Variants in SGCD observed in about 807,000 individuals in gnomAD.
SGCD encodes sarcoglycan delta.
A neutral mutation model predicts 36.6 loss-of-function variants in SGCD; 18 were observed. The ratio of observed to expected loss-of-function variants is 0.49; its 90% confidence interval spans 0.34 to 0.73. The LOEUF (loss-of-function observed/expected upper bound fraction) is 0.73. SGCD is among the 30% of genes least tolerant of loss of function. The pLI is 0.01. For synonymous variants in SGCD, 133 were observed against 130.6 expected, an observed-to-expected ratio of 1.02 and a Z score of -0.12; for missense variants, 387 against 346.7, an observed-to-expected ratio of 1.12 and a Z score of -0.92.
chr5:156,224,035 G>A (rs1223887526), intron 3 of SGCD, among the ~76,000 whole-genome samples: 1 of 151,748 alleles, frequency 6.6e-6, no homozygotes, highest in East Asian at 1.9e-4. Flanking sequence ...ACAAATTCGT[G>A]TTAACATAAC....
intron 1 of SGCD, among the ~76,000 whole-genome samples, chr5:156,090,635 C>A (rs542850036): frequency 7.9e-5 from 12 of 152,310 alleles, no homozygotes; most frequent in African/African-American, 2.9e-4. Flanking sequence ...TGAGAGCAGA[C>A]AACCGGTCTG....
At chr5:156,186,006 G>T (rs1763751147) in intron 3 of SGCD, among the ~76,000 whole-genome samples, 1 of 149,534 alleles carries the variant, frequency 6.7e-6, no homozygotes, top group African/African-American at 2.5e-5. Flanking sequence ...ACGAAATATG[G>T]TAGAAGCATC....
intron 3 of SGCD, among the ~76,000 whole-genome samples, chr5:156,440,112 A>G (rs892917153): frequency 1.3e-5 from 2 of 152,210 alleles, no homozygotes; most frequent in South Asian, 4.1e-4. Flanking sequence ...AGAAAACCCC[A>G]TGCCCACTTA....
chr5:156,047,227 A>C (rs913320948), intron 1 of SGCD, among the ~76,000 whole-genome samples: 1 of 152,186 alleles, frequency 6.6e-6, no homozygotes, highest in African/African-American at 2.4e-5. Context: ...ATCACATAAG[A>C]GTGCAGAGTG....
At chr5:156,419,246 T>C (rs1773191284) in intron 3 of SGCD, among the ~76,000 whole-genome samples, 1 of 152,202 alleles carries the variant, frequency 6.6e-6, no homozygotes. Flanking sequence ...ACCTGCCCCT[T>C]AAACAGCAAG....
At chr5:156,613,904 A>G (rs768136780) in intron 6 of SGCD, among the ~76,000 whole-genome samples, 1 of 152,182 alleles carries the variant, frequency 6.6e-6, no homozygotes, top group Middle Eastern at 3.2e-3. Context: ...GAATAAATGC[A>G]TTTGATCCTC....
At chr5:156,432,788 G>A (rs1176364969) in intron 3 of SGCD, among the ~76,000 whole-genome samples, 1 of 152,128 alleles carries the variant, frequency 6.6e-6, no homozygotes, top group African/African-American at 2.4e-5. Flanking sequence ...CATGCAGTTG[G>A]TGAAGCTGGT....
intron 1 of SGCD, among the ~76,000 whole-genome samples, chr5:156,048,370 T>C (rs1759826788): frequency 1.3e-5 from 2 of 152,204 alleles, no homozygotes; most frequent in Admixed American, 6.5e-5. Context: ...ATGGTATTTC[T>C]AGTTCTAGAT....
intron 6 of SGCD, among the ~76,000 whole-genome samples, chr5:156,610,187 G>A (rs1761721100): frequency 6.6e-6 from 1 of 152,074 alleles, no homozygotes; most frequent in Non-Finnish European, 1.5e-5. Context: ...TCTACCTTTG[G>A]TCTTTGATGA....
intron 1 of SGCD, among the ~76,000 whole-genome samples, chr5:155,960,333 C>T (rs1561663847): frequency 1.3e-5 from 2 of 152,074 alleles, no homozygotes; most frequent in African/African-American, 2.4e-5. Context: ...GAACATTTAT[C>T]CACATCTGGG....
chr5:155,786,665 ATC>A, the SGCD span, among the ~76,000 whole-genome samples: 11 of 152,168 alleles, frequency 7.2e-5, no homozygotes, highest in Non-Finnish European at 1.6e-4. Flanking sequence ...TCTTACTGTC[ATC>A]TTCCTCCTCC....
intron 3 of SGCD, among the ~76,000 whole-genome samples, chr5:156,151,721 A>G (rs916616828): frequency 2.6e-5 from 4 of 151,664 alleles, no homozygotes; most frequent in African/African-American, 7.3e-5. Context: ...AAGCCAATGT[A>G]GAATACACTA....
At chr5:156,662,642 A>G (rs1216292730) in intron 7 of SGCD, among the ~76,000 whole-genome samples, 2 of 148,366 alleles carry the variant, frequency 1.3e-5, no homozygotes, top group Non-Finnish European at 3.0e-5. Flanking sequence ...AATCCTTTAG[A>G]TCAATTATAA....
chr5:156,167,795 C>A (rs1763248979), intron 3 of SGCD, among the ~76,000 whole-genome samples: 2 of 152,178 alleles, frequency 1.3e-5, no homozygotes, highest in Non-Finnish European at 2.9e-5. Context: ...ATGCTGGTGC[C>A]ATGCTTGTAC....
chr5:156,728,659 ATTAT>A (rs1299234661), intron 7 of SGCD, among the ~76,000 whole-genome samples: 1 of 152,012 alleles, frequency 6.6e-6, no homozygotes, highest in African/African-American at 2.4e-5. Flanking sequence ...TTCTGTCATA[ATTAT>A]TTATTTCTTA....
intron 7 of SGCD, among the ~76,000 whole-genome samples, chr5:156,722,477 CACT>C (rs1208045398): frequency 6.6e-6 from 1 of 152,156 alleles, no homozygotes; most frequent in Non-Finnish European, 1.5e-5. Context: ...TCTATACAGC[CACT>C]ACTCTTGGCT....
chr5:155,891,730 G>C (rs565864958), intron 1 of SGCD, among the ~76,000 whole-genome samples: 1 of 151,910 alleles, frequency 6.6e-6, no homozygotes, highest in African/African-American at 2.4e-5. Flanking sequence ...ATGCCCCACA[G>C]AGTTGCCATA....
intron 3 of SGCD, among the ~76,000 whole-genome samples, chr5:156,432,359 G>A (rs554167053): frequency 5.3e-5 from 8 of 152,312 alleles, no homozygotes; most frequent in South Asian, 4.1e-4. Flanking sequence ...GTATTTCTTT[G>A]TCATGGGTTG....
chr5:156,382,171 C>T (rs369744145), intron 3 of SGCD, among the ~76,000 whole-genome samples: 3 of 152,074 alleles, frequency 2.0e-5, no homozygotes, highest in Non-Finnish European at 2.9e-5. Flanking sequence ...AACCCATACT[C>T]TCAGGCCACA....
Sources: allele counts gnomAD v4.1 joint callset (sites outside exome capture counted in the v4.1 genomes callset), GRCh38; gene constraint gnomAD v4.1.1; transcripts MANE v1.5; gene names NCBI Gene and HGNC (gene_info 2026-07-23, HGNC 2026-07-21).